CRIPT: variants seen among roughly 807,000 people sequenced by gnomAD.
CRIPT encodes CXXC repeat containing interactor of PDZ3 domain.
Under a neutral mutation model 16.6 loss-of-function variants are expected in CRIPT, and 20 were observed. The ratio of observed to expected loss-of-function variants is 1.20; its 90% CI spans 0.85 to 1.75. The LOEUF (loss-of-function observed/expected upper bound fraction) is 1.75, where lower values mean the gene tolerates loss of function less well. Among genes scored for constraint, CRIPT ranks in the 40% most tolerant of loss-of-function variants. CRIPT has a pLI of 0.00. For missense variants in CRIPT, 133 were observed against 115.3 expected, an observed-to-expected ratio of 1.15 and a Z score of -0.70; for synonymous variants, 42 against 37.0, an observed-to-expected ratio of 1.14 and a Z score of -0.49.
At position 46,628,421 on chromosome 2, in the gene CRIPT, A is replaced by G. The variant is rs1206648713; in HGVS notation, c.*4194A>G. On this transcript the variant is annotated 3_prime_UTR_variant, in exon 5 of 5. Transcript: ENST00000238892. ...CACTGGACCCGGCAGGATTTTTCTA[A>G]TTCTGTGAAAAATGATGTTTGTAGT... is the stretch of plus-strand genomic sequence containing the variant. 6.6e-6 allele frequency among the ~76,000 whole-genome samples: 1 copy of G among 152,038 alleles called. No individual in the cohort carries two copies. Among genetic ancestry groups the G allele is most frequent in the Admixed American group, 6.5e-5 (1 of 15,278 alleles).
In CRIPT at chr2:46,619,669, CA is replaced by C. The variant is rs771238795; in HGVS notation, c.132del (p.Ala45GlnfsTer86). On this transcript the variant is annotated frameshift_variant, in exon 3 of 5. Transcript: ENST00000238892. LOFTEE classifies it high-confidence loss of function. Reference protein sequence around the residue: ...RKLNENKALTSKKARFDPYGK... With the variant: ...RKLNENKALTXKKARFDPYGK... Reference sequence around the variant, plus strand: ...CTGAATGAAAATAAAGCTTTGACTTCAAAAAAAGCAAGGTGGGTAAGAGGAT... The same window carrying C: ...CTGAATGAAAATAAAGCTTTGACTTCAAAAAAGCAAGGTGGGTAAGAGGAT... 5.0e-6 allele frequency: 8 copies of C among 1,610,300 alleles called. No individual in the cohort carries two copies. The highest frequency in any genetic ancestry group is 3.4e-5 in the Admixed American group (2 of 59,472).
rs1343801461 is a variant in CRIPT, at chr2:46,627,510, C to G, written c.*3283C>G. Among the ~76,000 whole-genome samples the G allele has an allele frequency of 1.3e-5, 2 of 151,166 alleles. No individual in the cohort carries two copies. Among genetic ancestry groups the G allele is most frequent in the African/African-American group, 4.9e-5 (2 of 41,090 alleles). On this transcript the variant is annotated 3_prime_UTR_variant, in exon 5 of 5. Coordinates refer to ENST00000238892, the MANE Select transcript of CRIPT (RefSeq NM_014171.6). ...CCAGGCTGGAGTACAGTGGTACAAT[C>G]TTGGCTCACCACAACCTCCACCTCC...
rs1028552182 is a variant in CRIPT at position 46,627,618 on chromosome 2, T to C, written c.*3391T>C. The stretch of plus-strand genomic sequence containing the variant: ...TGCCACCACGCCTGGCTAATTTTTC[T>C]ATTTTTAGTAGGAATGGGGTTTTAC... On this transcript the variant is annotated 3_prime_UTR_variant, in exon 5 of 5. Transcript: ENST00000238892. Among the ~76,000 whole-genome samples, 4 of 152,040 alleles carry C rather than the reference T, an allele frequency of 2.6e-5. No individual in the cohort carries two copies. Among genetic ancestry groups the C allele is most frequent in the Non-Finnish European group, 5.9e-5 (4 of 68,006 alleles).
intron 2 of CRIPT, 97 bp downstream of exon 2, chr2:46,618,935 C>T: frequency 1.3e-6 from 1 of 761,956 alleles, no homozygotes; most frequent in Non-Finnish European, 2.2e-6. Context: ...GTTATGTGTT[C>T]AAAGTATTTT....
chr2:46,618,190 A>G (rs1670713107), intron 1 of CRIPT, among the ~76,000 whole-genome samples: 1 of 151,564 alleles, frequency 6.6e-6, no homozygotes, highest in Non-Finnish European at 1.5e-5. Flanking sequence ...GTCGATTATT[A>G]TACTTTTTAT....
chr2:46,623,816 T>A lies in CRIPT; in HGVS notation c.190T>A (p.Ser64Thr), dbSNP rs770462964. ...CTCCACTTGTAGAATTTGTAAAAGT[T>A]CTGTGCACCAACCAGGTTCTCATTA... ...KFSTCRICKS[S>T]VHQPGSHYCQ... The change falls in exon 4 of 5, where the codon TCT (serine) becomes ACT (threonine). Residue 64 changes from serine (S) to threonine (T), a missense_variant. Physicochemically the swap from Ser to Thr is moderately conservative, Grantham distance 58. Coordinates refer to ENST00000238892, the MANE Select transcript of CRIPT (RefSeq NM_014171.6). The A allele has an allele frequency of 6.2e-7, 1 of 1,611,262 alleles. No homozygotes were observed. Among genetic ancestry groups the A allele is most frequent in the Non-Finnish European group, 8.5e-7 (1 of 1,178,506 alleles).
chr2:46,622,731 T>C (rs1327245359), intron 3 of CRIPT, among the ~76,000 whole-genome samples: 1 of 151,958 alleles, frequency 6.6e-6, no homozygotes, highest in Non-Finnish European at 1.5e-5. Context: ...GAGAATTGCT[T>C]GAACCTGGGA....
At chr2:46,617,689 C>G (rs1670699753) in intron 1 of CRIPT, among the ~76,000 whole-genome samples, 2 of 152,164 alleles carry the variant, frequency 1.3e-5, no homozygotes, top group Non-Finnish European at 2.9e-5. Flanking sequence ...GAACCAAAGA[C>G]TAAGGACTTT....
chr2:46,621,526 C>T (rs535487519), intron 3 of CRIPT, among the ~76,000 whole-genome samples: 1 of 152,286 alleles, frequency 6.6e-6, no homozygotes, highest in Admixed American at 6.5e-5. Context: ...TATAATACTA[C>T]TATTTGAAAA....
rs1670879735 is a variant in CRIPT at position 46,624,201 on chromosome 2, A to G, written c.280A>G (p.Lys94Glu). Reference sequence around the variant, plus strand: ...GTGTGGAAAAAAGGTTTTGGATACCAAAAACTACAAGCAAACATCTGTCTA... The same window carrying G: ...GTGTGGAAAAAAGGTTTTGGATACCGAAAACTACAAGCAAACATCTGTCTA... ...AMCGKKVLDTKNYKQTSV is the reference protein window; with the variant it reads ...AMCGKKVLDTENYKQTSV Residue 94 changes from lysine (K) to glutamate (E), a missense_variant, in exon 5 of 5, where the codon AAA becomes GAA. Transcript: ENST00000238892. The G allele has an allele frequency of 6.3e-7, 1 of 1,579,162 alleles. No individual in the cohort carries two copies.
intron 1 of CRIPT, among the ~76,000 whole-genome samples, 159 bp downstream of exon 1, chr2:46,617,457 A>G (rs907756596): frequency 6.6e-6 from 1 of 152,070 alleles, no homozygotes; most frequent in South Asian, 2.1e-4. Context: ...TGCACCTCCC[A>G]ACGACCATAC....
Position 46,626,736 on chromosome 2 carries a change from ATGTT to A in CRIPT, c.*2514_*2517del, listed in dbSNP as rs1407399731. 1.3e-5 allele frequency among the ~76,000 whole-genome samples: 2 copies of A among 151,702 alleles called. No individual in the cohort carries two copies. The highest frequency in any genetic ancestry group is 2.9e-5 in the Non-Finnish European group (2 of 67,928). ...GATTAGTAATGTTGAGCATTTTTTC[ATGTT>A]TGTTAACCGCTTGTATGTTGTCTTT... On this transcript the variant is annotated 3_prime_UTR_variant, in exon 5 of 5. Transcript: ENST00000238892.
rs994684981 is a variant in CRIPT at position 46,628,697 on chromosome 2, C to G, written c.*4470C>G. The stretch of plus-strand genomic sequence containing the variant: ...CTATGAAGATTTTTGTTGTATTGTA[C>G]CTCAGAACCATCTCCATATTCTCTA... On this transcript the variant is annotated 3_prime_UTR_variant, in exon 5 of 5. Coordinates refer to ENST00000238892, the MANE Select transcript of CRIPT (RefSeq NM_014171.6). 2.6e-5 allele frequency among the ~76,000 whole-genome samples: 4 copies of G among 152,070 alleles called. No individual in the cohort carries two copies. The highest frequency in any genetic ancestry group is 4.4e-5 in the Non-Finnish European group (3 of 68,030).
In CRIPT at chr2:46,624,116, C is replaced by T. The variant is rs774432149; in HGVS notation, c.242-47C>T. 54 of 1,351,596 alleles carry T rather than the reference C, an allele frequency of 4.0e-5. 1 individual carries two copies. In the Admixed American group the frequency reaches 5.3e-4, roughly 13 times the overall value. 83.7% of individuals were successfully genotyped at this position (1,351,596 alleles called of 1,614,324 possible). ...AGCTTCAGGATTGACTTAAACCAAA[C>T]AGTTGGTATTATGATTTGATTGATC... is the stretch of plus-strand genomic sequence containing the variant. On this transcript the variant is annotated intron_variant, in intron 4 of 4. Coordinates refer to ENST00000238892, the MANE Select transcript of CRIPT (RefSeq NM_014171.6).
rs778723366 is a variant in CRIPT at position 46,628,112 on chromosome 2, CTT to C, written c.*3899_*3900del. Among the ~76,000 whole-genome samples the C allele has an allele frequency of 8.7e-5, 12 of 137,302 alleles. No homozygotes were observed. The highest frequency in any genetic ancestry group is 2.2e-4 in the Admixed American group (3 of 13,706). 90.1% of individuals were successfully genotyped at this position (137,302 alleles called of 152,430 possible). A position where few individuals can be genotyped will look rare whatever the true frequency, so the allele number is the denominator to read the frequency against. On this transcript the variant is annotated 3_prime_UTR_variant, in exon 5 of 5. Transcript: ENST00000238892. Reference sequence around the variant, plus strand: ...ATATGAATTTTAGAATGGATTTTTTCTTTTTTTTTTTTTTTGAGACGGAGTCT... The same window carrying C: ...ATATGAATTTTAGAATGGATTTTTTCTTTTTTTTTTTTTGAGACGGAGTCT...
At chr2:46,622,265 G>A (rs1670823162) in intron 3 of CRIPT, among the ~76,000 whole-genome samples, 1 of 151,778 alleles carries the variant, frequency 6.6e-6, no homozygotes, top group African/African-American at 2.4e-5. Context: ...AGCTACTCGG[G>A]AGGCTGAGGC....
rs985829541 is a variant in CRIPT at position 46,628,732 on chromosome 2, A to G, written c.*4505A>G. 1.3e-5 allele frequency among the ~76,000 whole-genome samples: 2 copies of G among 152,170 alleles called. No individual in the cohort carries two copies. Among genetic ancestry groups the G allele is most frequent in the African/African-American group, 2.4e-5 (1 of 41,442 alleles). On this transcript the variant is annotated 3_prime_UTR_variant, in exon 5 of 5. Transcript: ENST00000238892. ...ATCTCCATATTCTCTAAATAATAAT[A>G]ATGATGGTCATAAATTGAATAGAAG... is the stretch of plus-strand genomic sequence containing the variant.
At chr2:46,618,430 C>G (rs1485730526) in intron 1 of CRIPT, among the ~76,000 whole-genome samples, 2 of 152,140 alleles carry the variant, frequency 1.3e-5, no homozygotes, top group Non-Finnish European at 2.9e-5. Flanking sequence ...AAAATTGTGT[C>G]TGATTCATCA....
rs1285338613 is a variant in CRIPT at position 46,618,843 on chromosome 2, T to G, written c.82+5T>G. The G allele has an allele frequency of 3.2e-6, 5 of 1,574,272 alleles. No individual in the cohort carries two copies. Among genetic ancestry groups the G allele is most frequent in the Non-Finnish European group, 4.3e-6 (5 of 1,150,672 alleles). On this transcript the variant is annotated splice_donor_5th_base_variant and intron_variant, in intron 2 of 4. Coordinates refer to ENST00000238892, the MANE Select transcript of CRIPT (RefSeq NM_014171.6). ...ATGGTGCTAGGAATACCACAGGTAT[T>G]TCTTCTTTTAGAAAATAGGAATTTA...
Sources: allele counts gnomAD v4.1 joint callset (sites outside exome capture counted in the v4.1 genomes callset), GRCh38; gene constraint gnomAD v4.1.1; transcripts MANE v1.5; gene names NCBI Gene and HGNC (gene_info 2026-07-23, HGNC 2026-07-21).